The following GCSAML variants were observed in gnomAD, a reference collection of about 807,000 sequenced individuals.
The protein encoded by GCSAML is germinal center-associated signaling and motility-like protein.
Under a neutral mutation model 13.0 loss-of-function variants are expected in GCSAML, and 9 were observed. The observed-to-expected ratio is 0.69, with a 90% CI of 0.42 to 1.21. GCSAML has a LOEUF of 1.21. Among genes scored for constraint, GCSAML ranks in the 50% most tolerant of loss-of-function variants. The pLI, the probability that GCSAML is intolerant of heterozygous loss-of-function variation, is 0.00. For missense variants in GCSAML, 143 were observed against 153.4 expected, an observed-to-expected ratio of 0.93 and a Z score of 0.36; for synonymous variants, 37 against 52.9, an observed-to-expected ratio of 0.70 and a Z score of 1.31.
chr1:247,566,017 C>G (rs1668340565), intron 4 of GCSAML, 58 bp downstream of exon 4: 1 of 1,189,010 alleles, frequency 8.4e-7, no homozygotes, highest in Admixed American at 2.7e-5. Flanking sequence ...TTATGTTTGT[C>G]TGATAAATGC....
intron 1 of GCSAML, among the ~76,000 whole-genome samples, chr1:247,516,892 T>C (rs1042652607): frequency 2.0e-5 from 3 of 152,206 alleles, no homozygotes; most frequent in African/African-American, 7.2e-5. Context: ...GAGATCTATG[T>C]TCCCAGCGCA....
chr1:247,521,384 C>CCTCTCCACGGTCTCCCTCTCCCTCTCT (rs1553301824), intron 1 of GCSAML, among the ~76,000 whole-genome samples: 1 of 151,208 alleles, frequency 6.6e-6, no homozygotes, highest in African/African-American at 2.4e-5. Context: ...TCTCCCTCTC[C>CCTCTCCACGGTCTCCCTCTCCCTCTCT]ACGGTCTCCC....
intron 1 of GCSAML, among the ~76,000 whole-genome samples, chr1:247,513,039 G>C (rs547969563): frequency 6.6e-6 from 1 of 152,196 alleles, no homozygotes; most frequent in African/African-American, 2.4e-5. Context: ...CTTGAGCGCT[G>C]TGTTGGGAGA....
chr1:247,563,646 C>T lies in GCSAML; in HGVS notation c.139+7C>T, dbSNP rs769892254. On this transcript the variant is annotated splice_region_variant and intron_variant, in intron 3 of 4. Coordinates refer to ENST00000366488, the MANE Select transcript of GCSAML (RefSeq NM_145278.5). Reference sequence around the variant, plus strand: ...CAAGATCAAGATAAGAAAAGTAAGTCATGGCTGTATAATATTTTTCATAGT... The same window carrying T: ...CAAGATCAAGATAAGAAAAGTAAGTTATGGCTGTATAATATTTTTCATAGT... The T allele has an allele frequency of 4.0e-6, 6 of 1,511,174 alleles. No individual in the cohort carries two copies. The highest frequency in any genetic ancestry group is 3.4e-5 in the South Asian group (3 of 87,764). 93.6% of individuals were successfully genotyped at this position (1,511,174 alleles called of 1,614,324 possible). A position where few individuals can be genotyped will look rare whatever the true frequency, so the allele number is the denominator to read the frequency against.
intron 2 of GCSAML, chr1:247,532,285 G>A (rs771595144): frequency 6.2e-6 from 10 of 1,614,072 alleles, no homozygotes; most frequent in East Asian, 2.2e-5. Context: ...GACAATGCTC[G>A]TGGTGAAGCT....
intron 1 of GCSAML, among the ~76,000 whole-genome samples, chr1:247,512,832 C>G (rs1168861476): frequency 6.6e-6 from 1 of 152,134 alleles, no homozygotes; most frequent in Admixed American, 6.6e-5. Context: ...CTGGTTATCA[C>G]CAGCAGAGGC....
intron 1 of GCSAML, chr1:247,525,070 G>A (rs765910498): frequency 6.6e-6 from 1 of 152,210 alleles, no homozygotes; most frequent in Non-Finnish European, 1.5e-5. Flanking sequence ...CACATTATTG[G>A]CAAAAGTACG....
chr1:247,537,445 A>G (rs1287967382), intron 2 of GCSAML, among the ~76,000 whole-genome samples: 2 of 152,226 alleles, frequency 1.3e-5, no homozygotes, highest in African/African-American at 4.8e-5. Context: ...TAGAGCTGCT[A>G]TGAACATTCA....
intron 2 of GCSAML, chr1:247,528,803 C>T (rs890602790): frequency 6.6e-6 from 1 of 152,086 alleles, no homozygotes; most frequent in African/African-American, 2.4e-5. Flanking sequence ...TAATGGCAGG[C>T]AAATCTGGAG....
intron 2 of GCSAML, chr1:247,530,804 C>CTCCGTGGCCTAAA: frequency 6.6e-6 from 1 of 152,660 alleles, no homozygotes; most frequent in Non-Finnish European, 1.5e-5. Flanking sequence ...GACCTGCCGG[C>CTCCGTGGCCTAAA]CGCCTCTGGA....
chr1:247,565,900 CT>C, intron 3 of GCSAML, 30 bp from the exon 4 acceptor site: 1 of 1,437,204 alleles, frequency 7.0e-7, no homozygotes, highest in Non-Finnish European at 9.4e-7. Context: ...GCTTTCCTTT[CT>C]TTCTTTTTTT....
At chr1:247,539,713 CT>C (rs1259267337) in intron 2 of GCSAML, among the ~76,000 whole-genome samples, 1 of 151,858 alleles carries the variant, frequency 6.6e-6, no homozygotes, top group African/African-American at 2.4e-5. Flanking sequence ...CACATATAAT[CT>C]GTCAGCAAAT....
Position 247,527,152 on chromosome 1 carries a change from A to G in GCSAML, c.-148+98A>G. 1 of 439,298 alleles carries G rather than the reference A, an allele frequency of 2.3e-6. No individual in the cohort carries two copies. The highest frequency in any genetic ancestry group is 4.6e-6 in the Non-Finnish European group (1 of 218,426). 27.2% of individuals were successfully genotyped at this position (439,298 alleles called of 1,614,324 possible). On this transcript the variant is annotated intron_variant, in intron 2 of 5. Coordinates refer to the GCSAML transcript ENST00000366489. This position sits in a 1 kb window ranked among gnomAD's most constrained non-coding sequence, Gnocchi z 4.6. ...GGAGCAGTTGGGTGAGCACATGACC[A>G]ATCAGCCTGAGCATTTAAGGCAGTT...
upstream of GCSAML, chr1:247,548,966 G>T: frequency 9.0e-7 from 1 of 1,113,978 alleles, no homozygotes; most frequent in South Asian, 1.5e-5. The surrounding 1 kb of genome is among the most constrained non-coding windows in gnomAD (Gnocchi z 5.3). Flanking sequence ...GTGTGTGCGT[G>T]CAGGCACACA....
intron 4 of GCSAML, 84 bp downstream of exon 4, chr1:247,566,043 T>G: frequency 1.1e-6 from 1 of 911,780 alleles, no homozygotes; most frequent in Non-Finnish European, 1.6e-6. Flanking sequence ...TACAGATGAT[T>G]TATTCAAGAG....
At chr1:247,512,723 G>A (rs532624722) in intron 1 of GCSAML, among the ~76,000 whole-genome samples, 7 of 152,150 alleles carry the variant, frequency 4.6e-5, no homozygotes, top group South Asian at 2.1e-4. Context: ...TGATGTTGAC[G>A]CTATTCCTTT....
At chr1:247,522,025 G>C (rs4925679) in intron 1 of GCSAML, among the ~76,000 whole-genome samples, 1 of 150,560 alleles carries the variant, frequency 6.6e-6, no homozygotes, top group African/African-American at 2.4e-5. Flanking sequence ...GCCTCTGCCC[G>C]GCCGCAACCC....
At chr1:247,548,321 T>G (rs1667645475), upstream of GCSAML, among the ~76,000 whole-genome samples, 2 of 152,214 alleles carry the variant, frequency 1.3e-5, 1 homozygote, top group Admixed American at 1.3e-4. The surrounding 1 kb of genome is among the most constrained non-coding windows in gnomAD (Gnocchi z 5.3). Flanking sequence ...CAGCTTGTGC[T>G]TTGTGGCTCT....
intron 2 of GCSAML, among the ~76,000 whole-genome samples, chr1:247,540,068 GTCTC>G (rs145570712): frequency 1.3e-4 from 19 of 151,426 alleles, no homozygotes; most frequent in African/African-American, 2.2e-4. Context: ...GCCTAGAATA[GTCTC>G]TCTCTCTCTC....
Sources: gnomAD v4.1 joint callset for allele counts (sites outside exome capture counted in the v4.1 genomes callset) on GRCh38, gnomAD v4.1.1 for gene constraint, Gnocchi (gnomAD v3.1) non-coding constraint, MANE v1.5 for transcripts, NCBI Gene and HGNC (gene_info 2026-07-23, HGNC 2026-07-21) for gene names.